The following ZNF589 variants were observed in gnomAD, a reference collection of about 807,000 sequenced individuals.
ZNF589 encodes the protein KRAB-zinc finger protein SZF1-1.
ZNF589 carries 17 observed loss-of-function variants against 13.6 expected under a neutral mutation model. The observed-to-expected ratio is 1.25, with a 90% CI of 0.86 to 1.88. ZNF589 has a LOEUF of 1.88. Among genes scored for constraint, ZNF589 ranks in the 40% most tolerant of loss-of-function variants. The pLI is 0.00. For synonymous variants in ZNF589, 148 were observed against 161.6 expected, an observed-to-expected ratio of 0.92 and a Z score of 0.64; for missense variants, 407 against 434.0, an observed-to-expected ratio of 0.94 and a Z score of 0.55.
chr3:48,266,505 A>C (rs2034020104), intron 3 of ZNF589, among the ~76,000 whole-genome samples: 1 of 152,228 alleles, frequency 6.6e-6, no homozygotes, highest in African/African-American at 2.4e-5. Flanking sequence ...CAGGAATCGA[A>C]GAATGTGGTG....
rs1230659894 is a variant in ZNF589, at chr3:48,255,487, CTTTTTTTTTTTT to C, written c.97-5312_97-5301del. On this transcript the variant is annotated intron_variant, in intron 2 of 3. Transcript: ENST00000354698. ...CACCATGCCTGGCCAAGAGTTTTTA[CTTTTTTTTTTTT>C]TTTTTTTTTTTTTGAGACAAAGTCT... is the stretch of plus-strand genomic sequence containing the variant. 6.9e-3 allele frequency among the ~76,000 whole-genome samples: 572 copies of C among 82,774 alleles called. 6 individuals are homozygous for C. The highest frequency in any genetic ancestry group is 8.2e-3 in the Non-Finnish European group (363 of 44,038). The allele number at this position is 82,774 out of a possible 152,430, so 54.3% of individuals were successfully genotyped here.
chr3:48,268,972 G>A lies in ZNF589; in HGVS notation c.*186G>A. The A allele has an allele frequency of 1.1e-6, 1 of 898,590 alleles. No homozygotes were observed. The highest frequency in any genetic ancestry group is 1.7e-6 in the Non-Finnish European group (1 of 587,134). 55.7% of individuals were successfully genotyped at this position (898,590 alleles called of 1,614,324 possible). ...AGGAGTGTGGGCATGGATTTAGCCA[G>A]AAGTCGTCGCTCAAATCACATCGGA... is the stretch of plus-strand genomic sequence containing the variant. On this transcript the variant is annotated 3_prime_UTR_variant, in exon 4 of 4. Coordinates refer to ENST00000354698, the MANE Select transcript of ZNF589 (RefSeq NM_016089.3).
chr3:48,241,592 C>T (rs1214832863), intron 1 of ZNF589, among the ~76,000 whole-genome samples: 5 of 151,722 alleles, frequency 3.3e-5, no homozygotes, highest in African/African-American at 1.2e-4. Context: ...AGTGCAGTGG[C>T]GCGATCTCCG....
At chr3:48,256,466 G>A (rs368163389) in intron 2 of ZNF589, 15 of 578,190 alleles carry the variant, frequency 2.6e-5, no homozygotes, top group African/African-American at 1.9e-4. Context: ...GGGCATGAGG[G>A]TGCGGGGACC....
rs370843777 is a variant in ZNF589 at position 48,268,599 on chromosome 3, C to G, written c.908C>G (p.Pro303Arg). The change falls in exon 4 of 4, where the codon CCT becomes CGT. Residue 303 changes from proline to arginine, a missense_variant. Coordinates refer to ENST00000354698, the MANE Select transcript of ZNF589 (RefSeq NM_016089.3). ...CTGAGTACACACTCCGGGGAGAAAC[C>G]TTATGTGTGCAGCCATTGTGGGCGA... ...NHLSTHSGEKPYVCSHCGRGF... is the reference protein window; with the variant it reads ...NHLSTHSGEKRYVCSHCGRGF... 6.2e-6 allele frequency: 10 copies of G among 1,613,762 alleles called. No homozygotes were observed. Among genetic ancestry groups the G allele is most frequent in the Non-Finnish European group, 8.5e-6 (10 of 1,179,964 alleles).
intron 1 of ZNF589, among the ~76,000 whole-genome samples, chr3:48,244,423 A>G (rs1218751028): frequency 1.3e-5 from 2 of 152,116 alleles, no homozygotes; most frequent in Admixed American, 1.3e-4. Context: ...AAACAAGACT[A>G]TAATTTTATA....
intron 2 of ZNF589, among the ~76,000 whole-genome samples, chr3:48,258,317 C>T (rs1021390390): frequency 6.6e-6 from 1 of 151,998 alleles, no homozygotes; most frequent in African/African-American, 2.4e-5. Flanking sequence ...TTTCAGTTTC[C>T]ACATGGTCGT....
At chr3:48,242,694 T>C (rs1446139890) in intron 1 of ZNF589, among the ~76,000 whole-genome samples, 1 of 152,234 alleles carries the variant, frequency 6.6e-6, no homozygotes, top group Non-Finnish European at 1.5e-5. Context: ...TCTGCTGTTG[T>C]GTGAAAGCAG....
chr3:48,262,865 A>G (rs902594627), intron 3 of ZNF589, among the ~76,000 whole-genome samples: 1 of 152,206 alleles, frequency 6.6e-6, no homozygotes, highest in Non-Finnish European at 1.5e-5. Flanking sequence ...TGAAAAAAAA[A>G]TACATCACTC....
Position 48,246,741 on chromosome 3 carries a change from A to T in ZNF589, c.44-884A>T, listed in dbSNP as rs112224521. 2.2e-3 allele frequency among the ~76,000 whole-genome samples: 330 copies of T among 151,592 alleles called. 3 individuals carry two copies. Among genetic ancestry groups the T allele is most frequent in the African/African-American group, 7.2e-3 (296 of 41,280 alleles). On this transcript the variant is annotated intron_variant, in intron 1 of 3. Transcript: ENST00000354698. ...CGGAGTGCAGTGGTGCGATCTCGGC[A>T]CACTGCAAGCTCTGCCTCCCGGGTT...
intron 3 of ZNF589, among the ~76,000 whole-genome samples, chr3:48,264,602 G>C (rs2034000671): frequency 6.6e-6 from 1 of 151,320 alleles, no homozygotes; most frequent in Non-Finnish European, 1.5e-5. Flanking sequence ...GCTGAGGCGG[G>C]TGGATTGCCT....
At position 48,256,426 on chromosome 3, in the gene ZNF589, C is replaced by G. The variant is rs148345411; in HGVS notation, c.97-4387C>G. ...GGTTGACCCCAAGGCCATGAACGCC[C>G]TGTTCCAGGGGAGGCCTTTTTTTGT... On this transcript the variant is annotated intron_variant, in intron 2 of 3. Coordinates refer to ENST00000354698, the MANE Select transcript of ZNF589 (RefSeq NM_016089.3). 9 of 559,696 alleles carry G rather than the reference C, an allele frequency of 1.6e-5. No homozygotes were observed. The African/African-American group carries it at 1.7e-4, about 11-fold the overall frequency. The allele number at this position is 559,696 out of a possible 1,614,324, so 34.7% of individuals were successfully genotyped here.
At chr3:48,266,716 A>G (rs901077267) in intron 3 of ZNF589, among the ~76,000 whole-genome samples, 1 of 152,168 alleles carries the variant, frequency 6.6e-6, no homozygotes, top group Non-Finnish European at 1.5e-5. Context: ...ACTGCACTCC[A>G]TTTTTACTTA....
At position 48,245,341 on chromosome 3, in the gene ZNF589, G is replaced by A. The variant is rs2033749190; in HGVS notation, c.44-2284G>A. Among the ~76,000 whole-genome samples the A allele has an allele frequency of 2.0e-5, 3 of 151,888 alleles. No individual in the cohort carries two copies. In the South Asian group the frequency reaches 6.2e-4, roughly 31 times the overall value. ...TGCCCAGGTTGATCTTGAACTTCTG[G>A]GCTCAAGCAATCAGCCCACCTCGGC... is the stretch of plus-strand genomic sequence containing the variant. On this transcript the variant is annotated intron_variant, in intron 1 of 3. Transcript: ENST00000354698.
chr3:48,258,027 A>G (rs2033927746), intron 2 of ZNF589: 1 of 395,504 alleles, frequency 2.5e-6, no homozygotes, highest in South Asian at 1.9e-5. Flanking sequence ...GCCTTATCAT[A>G]TATATTAGGA....
chr3:48,247,552 A>C, intron 1 of ZNF589, 73 bp from the exon 2 acceptor site: 1 of 1,574,284 alleles, frequency 6.4e-7, no homozygotes, highest in East Asian at 2.3e-5. Context: ...GCCAAGGCTC[A>C]GAGGGCTCTT....
At chr3:48,257,110 T>C (rs1337642392) in intron 2 of ZNF589, 3 of 439,978 alleles carry the variant, frequency 6.8e-6, no homozygotes, top group Middle Eastern at 6.6e-4. Context: ...TATTGATCTG[T>C]AGTTTTAATT....
chr3:48,261,426 A>C (rs2033968867), intron 3 of ZNF589, among the ~76,000 whole-genome samples: 1 of 152,176 alleles, frequency 6.6e-6, no homozygotes, highest in Admixed American at 6.6e-5. Flanking sequence ...AGGAAAAGCA[A>C]GGAGGCCAAG....
At chr3:48,245,609 A>T (rs1375364732) in intron 1 of ZNF589, among the ~76,000 whole-genome samples, 2 of 152,190 alleles carry the variant, frequency 1.3e-5, no homozygotes. Context: ...AGAATCAGTG[A>T]CACCCAAGGA....
Sources: gnomAD v4.1 joint callset for allele counts (sites outside exome capture counted in the v4.1 genomes callset) on GRCh38, gnomAD v4.1.1 for gene constraint, MANE v1.5 for transcripts, NCBI Gene and HGNC (gene_info 2026-07-23, HGNC 2026-07-21) for gene names.